The following IKBKB-DT variants were observed in gnomAD, a reference collection of about 807,000 sequenced individuals.
IKBKB-DT encodes the protein IKBKB antisense RNA.
At chr8:42,238,558 C>A (rs1806955150) in intron 3 of IKBKB-DT, among the ~76,000 whole-genome samples, 1 of 152,194 alleles carries the variant, frequency 6.6e-6, no homozygotes, top group African/African-American at 2.4e-5. Context: ...AGCCATGGTT[C>A]CTTAGGTGGC....
At chr8:42,238,504 G>A (rs2129901399) in intron 3 of IKBKB-DT, among the ~76,000 whole-genome samples, 1 of 152,254 alleles carries the variant, frequency 6.6e-6, no homozygotes, top group Non-Finnish European at 1.5e-5. Context: ...ATGATGGGAG[G>A]GGCCCAAATT....
chr8:42,246,994 C>T (rs939317487), intron 3 of IKBKB-DT, among the ~76,000 whole-genome samples: 2 of 152,136 alleles, frequency 1.3e-5, no homozygotes, highest in African/African-American at 4.8e-5. Context: ...AATCTGAGGC[C>T]GCCACTGATC....
At chr8:42,249,591 C>A (rs1453677647) in intron 3 of IKBKB-DT, among the ~76,000 whole-genome samples, 1 of 151,956 alleles carries the variant, frequency 6.6e-6, no homozygotes, top group Non-Finnish European at 1.5e-5. Flanking sequence ...ACTAGAAGGC[C>A]ATGCATTCAA....
At chr8:42,262,132 A>G (rs1807296841) in intron 3 of IKBKB-DT, among the ~76,000 whole-genome samples, 1 of 136,556 alleles carries the variant, frequency 7.3e-6, no homozygotes, top group Admixed American at 7.4e-5. Context: ...TGAATTTGAA[A>G]TAGAAGGTGG....
intron 3 of IKBKB-DT, among the ~76,000 whole-genome samples, chr8:42,238,475 G>A (rs1471838504): frequency 6.6e-6 from 1 of 152,200 alleles, no homozygotes; most frequent in Non-Finnish European, 1.5e-5. Context: ...AAAGACTAAT[G>A]AAAGTCCACA....
At chr8:42,237,162 C>T (rs1806936308) in intron 3 of IKBKB-DT, among the ~76,000 whole-genome samples, 1 of 151,870 alleles carries the variant, frequency 6.6e-6, no homozygotes, top group Non-Finnish European at 1.5e-5. Context: ...TCTCGGCTTG[C>T]TGCAATCTCC....
chr8:42,257,914 A>G (rs1468183552), intron 3 of IKBKB-DT, among the ~76,000 whole-genome samples: 1 of 151,992 alleles, frequency 6.6e-6, no homozygotes, highest in African/African-American at 2.4e-5. Context: ...GTAATTACAG[A>G]AAGGTATACA....
chr8:42,258,959 G>A (rs1387883144), intron 3 of IKBKB-DT, among the ~76,000 whole-genome samples: 1 of 152,118 alleles, frequency 6.6e-6, no homozygotes, highest in Non-Finnish European at 1.5e-5. Flanking sequence ...AGACAGGCAA[G>A]TCTATGAATA....
intron 3 of IKBKB-DT, among the ~76,000 whole-genome samples, chr8:42,262,466 G>A (rs984557755): frequency 7.9e-6 from 1 of 126,234 alleles, no homozygotes; most frequent in African/African-American, 4.6e-5. Context: ...TTAAGACAGA[G>A]TCTCACTCTG....
chr8:42,242,857 C>T (rs937106764), intron 3 of IKBKB-DT, among the ~76,000 whole-genome samples: 4 of 152,188 alleles, frequency 2.6e-5, no homozygotes, highest in Admixed American at 6.5e-5. Context: ...GCTGCAGGAC[C>T]GGACTTTGTA....
intron 2 of IKBKB-DT, among the ~76,000 whole-genome samples, chr8:42,264,589 C>T (rs2129934692): frequency 6.6e-6 from 1 of 152,258 alleles, no homozygotes. Context: ...TTTTGAGTTT[C>T]ACTCTGTCTC....
chr8:42,236,955 A>G (rs1041467380), intron 3 of IKBKB-DT, among the ~76,000 whole-genome samples: 3 of 152,106 alleles, frequency 2.0e-5, no homozygotes, highest in Non-Finnish European at 4.4e-5. Flanking sequence ...CTTGAGTTCA[A>G]GTAATCCTTC....
intron 3 of IKBKB-DT, among the ~76,000 whole-genome samples, chr8:42,258,317 T>C (rs886888787): frequency 2.6e-5 from 4 of 152,096 alleles, no homozygotes; most frequent in African/African-American, 9.7e-5. Context: ...TTTTTTTTGT[T>C]TTATTTTTGT....
chr8:42,245,688 G>A (rs1031043026), intron 3 of IKBKB-DT, among the ~76,000 whole-genome samples: 1 of 152,070 alleles, frequency 6.6e-6, no homozygotes, highest in African/African-American at 2.4e-5. Context: ...AGAAAGGAAA[G>A]ACAGCCCTTA....
chr8:42,240,129 G>A (rs1294154883), intron 3 of IKBKB-DT, among the ~76,000 whole-genome samples: 1 of 151,416 alleles, frequency 6.6e-6, no homozygotes, highest in African/African-American at 2.4e-5. Context: ...ACAGCCTCTA[G>A]ACATAAGAAA....
intron 1 of IKBKB-DT, among the ~76,000 whole-genome samples, chr8:42,268,348 G>A (rs970019237): frequency 3.3e-5 from 5 of 151,634 alleles, no homozygotes; most frequent in African/African-American, 4.8e-5. Context: ...TATTGGCCAG[G>A]ATGGTCTTGA....
chr8:42,252,755 C>A (rs1047939400), intron 3 of IKBKB-DT, among the ~76,000 whole-genome samples: 6 of 152,182 alleles, frequency 3.9e-5, no homozygotes, highest in Non-Finnish European at 7.3e-5. Flanking sequence ...ATTCCTCATA[C>A]AAAAGGAAAT....
intron 3 of IKBKB-DT, among the ~76,000 whole-genome samples, chr8:42,262,228 C>T (rs1274751992): frequency 2.0e-5 from 3 of 150,222 alleles, no homozygotes; most frequent in Non-Finnish European, 2.9e-5. Context: ...CACATGTATA[C>T]GTATGTAACT....
At chr8:42,269,467 A>AAGGGGGGAGGGGC (rs1358709158) in intron 1 of IKBKB-DT, among the ~76,000 whole-genome samples, 1 of 33,028 alleles carries the variant, frequency 3.0e-5, no homozygotes, top group Non-Finnish European at 5.9e-5. Flanking sequence ...AGGGGAGGGG[A>AAGGGGGGAGGGGC]GGGGAGGAAA....
Sources: allele counts gnomAD v4.1 joint callset (sites outside exome capture counted in the v4.1 genomes callset), GRCh38; gene constraint gnomAD v4.1.1; transcripts MANE v1.5; gene names NCBI Gene and HGNC (gene_info 2026-07-23, HGNC 2026-07-21).